The following WNK1 variants were observed in gnomAD, a reference collection of about 807,000 sequenced individuals.
The protein encoded by WNK1 is WNK lysine deficient protein kinase 1.
WNK1 carries 38 observed loss-of-function variants against 222.8 expected under a neutral mutation model. The ratio of observed to expected loss-of-function variants is 0.17; its 90% CI spans 0.13 to 0.22. WNK1 has a LOEUF of 0.22. Among genes scored for constraint, WNK1 ranks in the 10% least tolerant of loss-of-function variants. The pLI is 1.00. For missense variants in WNK1, 2,348 were observed against 2,918.4 expected, an observed-to-expected ratio of 0.80 and a Z score of 4.50; for synonymous variants, 1,090 against 1,092.9, an observed-to-expected ratio of 1.00 and a Z score of 0.05.
At chr12:850,052 G>A (rs1357790351) in intron 4 of WNK1, among the ~76,000 whole-genome samples, 16 of 152,138 alleles carry the variant, frequency 1.1e-4, no homozygotes, top group African/African-American at 3.6e-4. Flanking sequence ...CTTTATAGCA[G>A]CATGATTTAT....
In WNK1 at chr12:879,893, C is replaced by G; in HGVS notation, c.2694C>G (p.Thr898=). ...VSTVVPSQLP[T]LLQPVTQLPS... ...CTGTGGTTCCTAGTCAGCTTCCAACCCTTCTGCAGCCTGTGACTCAGCTGC... is the reference window on the plus strand; with the variant it reads ...CTGTGGTTCCTAGTCAGCTTCCAACGCTTCTGCAGCCTGTGACTCAGCTGC... Residue 898 remains threonine (T), a synonymous_variant, in exon 11 of 28, where the codon ACC becomes ACG. Coordinates refer to ENST00000315939, the MANE Select transcript of WNK1 (RefSeq NM_018979.4). The G allele has an allele frequency of 1.2e-6, 2 of 1,614,110 alleles. No homozygotes were observed. Among genetic ancestry groups the G allele is most frequent in the Non-Finnish European group, 1.7e-6 (2 of 1,179,996 alleles).
At chr12:762,754 AT>A (rs1245813216) in intron 1 of WNK1, among the ~76,000 whole-genome samples, 4 of 142,124 alleles carry the variant, frequency 2.8e-5, no homozygotes, top group African/African-American at 2.5e-5. Context: ...CCTGCTTTTC[AT>A]TTTTTTTTTG....
intron 1 of WNK1, among the ~76,000 whole-genome samples, chr12:777,158 G>GTTT (rs560869282): frequency 6.1e-5 from 8 of 131,156 alleles, no homozygotes; most frequent in African/African-American, 8.3e-5. Flanking sequence ...GATTTTTTTT[G>GTTT]TTTTTTTTTT....
rs1218762163 is a variant in WNK1 at position 753,175 on chromosome 12, G to GTCCGCCGCA, written c.-384_-376dup. The GTCCGCCGCA allele has an allele frequency of 1.4e-4, 23 of 166,814 alleles. No individual in the cohort carries two copies. The highest frequency in any genetic ancestry group is 1.2e-3 in the South Asian group (7 of 5,716). The allele number at this position is 166,814 out of a possible 1,614,324, so 10.3% of individuals were successfully genotyped here. A position where few individuals can be genotyped will look rare whatever the true frequency, so the allele number is the denominator to read the frequency against. ...GGCGAGCGGCGGCAGTGGGAGCCGC[G>GTCCGCCGCA]TCCGCCGCATCCGCCTCGACTCGGT... On this transcript the variant is annotated 5_prime_UTR_variant, in exon 1 of 28. Coordinates refer to ENST00000315939, the MANE Select transcript of WNK1 (RefSeq NM_018979.4). The surrounding 1 kb of genome is among the most constrained non-coding windows in gnomAD (Gnocchi z 5.2).
chr12:904,721 C>A (rs1011739753), intron 26 of WNK1, among the ~76,000 whole-genome samples: 1 of 152,142 alleles, frequency 6.6e-6, no homozygotes, highest in Non-Finnish European at 1.5e-5. Flanking sequence ...TTGGTAATGG[C>A]CATGGGTATA....
intron 4 of WNK1, among the ~76,000 whole-genome samples, chr12:855,504 T>C (rs7311423): frequency 0.63 from 96,332 of 152,082 alleles, 31,347 homozygotes; most frequent in East Asian, 0.87. Context: ...CATTTAGATC[T>C]ATGAGAGATT....
intron 15 of WNK1, 34 bp from the exon 16 acceptor site, chr12:883,361 C>T: frequency 6.2e-7 from 1 of 1,610,664 alleles, no homozygotes. Flanking sequence ...TGAGAAATGA[C>T]ACTAATTAGA....
At chr12:780,225 G>C (rs578177582) in intron 1 of WNK1, among the ~76,000 whole-genome samples, 1 of 152,282 alleles carries the variant, frequency 6.6e-6, no homozygotes, top group South Asian at 2.1e-4. Context: ...TGTCAGTGAA[G>C]ATTTATTTAT....
chr12:754,161 A>C lies in WNK1; in HGVS notation c.596A>C (p.Gln199Pro). 1 of 1,613,250 alleles carries C rather than the reference A, an allele frequency of 6.2e-7. No homozygotes were observed. Among genetic ancestry groups the C allele is most frequent in the Non-Finnish European group, 8.5e-7 (1 of 1,180,044 alleles). The change falls in exon 1 of 28, where the codon CAG becomes CCG. Residue 199 changes from glutamine to proline, a missense_variant. Physicochemically the swap from Gln to Pro is moderately conservative, Grantham distance 76. Transcript: ENST00000315939. ...SAKEPQEERS[Q>P]QQDDIEELET... is the part of the protein sequence containing the mutation. The stretch of plus-strand genomic sequence containing the variant: ...AAGGAGCCACAGGAGGAACGGAGCC[A>C]GCAGCAGGATGATATCGAAGAGCTG...
At chr12:866,825 A>G (rs1431351903) in intron 8 of WNK1, among the ~76,000 whole-genome samples, 1 of 152,216 alleles carries the variant, frequency 6.6e-6, no homozygotes, top group Non-Finnish European at 1.5e-5. Flanking sequence ...TGTCAGAATC[A>G]GAAAATTCAT....
rs901253429 is a variant in WNK1, at chr12:757,888, T to C, written c.759+3564T>C. Among the ~76,000 whole-genome samples, 134 of 145,284 alleles carry C rather than the reference T, an allele frequency of 9.2e-4. 1 individual carries two copies. Among genetic ancestry groups the C allele is most frequent in the African/African-American group, 3.1e-3 (128 of 40,784 alleles). On this transcript the variant is annotated intron_variant, in intron 1 of 27. Transcript: ENST00000315939. The stretch of plus-strand genomic sequence containing the variant: ...CCATCTCTACTAAAAATACAAAAAT[T>C]AGCTGGGCGTGGTCCGCACGCCTGT...
At chr12:881,138 C>G (rs1242462889) in intron 12 of WNK1, 139 bp downstream of exon 12, 1 of 1,134,236 alleles carries the variant, frequency 8.8e-7, no homozygotes, top group African/African-American at 1.5e-5. Context: ...ATGACTTTTT[C>G]TTACAGCAGA....
chr12:776,519 C>T (rs1216040548), intron 1 of WNK1, among the ~76,000 whole-genome samples: 1 of 151,342 alleles, frequency 6.6e-6, no homozygotes, highest in Non-Finnish European at 1.5e-5. Flanking sequence ...CAACCTCCAC[C>T]TCCCAGGTTC....
intron 10 of WNK1, 99 bp from the exon 11 acceptor site, chr12:879,474 T>A: frequency 1.3e-6 from 1 of 771,720 alleles, no homozygotes; most frequent in Non-Finnish European, 2.0e-6. Context: ...TTTTTCCTTC[T>A]TTTTGGCTAA....
intron 8 of WNK1, chr12:865,298 G>GC: frequency 6.5e-7 from 1 of 1,536,090 alleles, no homozygotes; most frequent in Non-Finnish European, 8.7e-7. Context: ...AGAGTGTCCT[G>GC]CCTATGCACT....
In WNK1 at chr12:907,810, GCTT is replaced by G. The variant is rs777894343; in HGVS notation, c.6644-33_6644-31del. On this transcript the variant is annotated intron_variant, in intron 26 of 27. Transcript: ENST00000315939. Reference sequence around the variant, plus strand: ...CCCTCTTCCTGAAATTGTAACCTAGGCTTCTTTTAATGCTCGTATTCTGTTGCT... The same window carrying G: ...CCCTCTTCCTGAAATTGTAACCTAGGCTTTTAATGCTCGTATTCTGTTGCT... 6 of 1,611,366 alleles carry G rather than the reference GCTT, an allele frequency of 3.7e-6. No individual in the cohort carries two copies. In the East Asian group the frequency reaches 1.3e-4, roughly 36 times the overall value.
At position 885,603 on chromosome 12, in the gene WNK1, T is replaced by G. The variant is rs780229328; in HGVS notation, c.4799T>G (p.Ile1600Ser). 6.2e-7 allele frequency: 1 copy of G among 1,614,112 alleles called. No homozygotes were observed. Among genetic ancestry groups the G allele is most frequent in the East Asian group, 2.2e-5 (1 of 44,872 alleles). ...STPLLPQVPSIPPLVQPVANV... is the reference protein window; with the variant it reads ...STPLLPQVPSSPPLVQPVANV... ...CCTTTATTACCCCAAGTACCTAGTATCCCACCCTTGGTACAGCCTGTTGCC... is the reference window on the plus strand; with the variant it reads ...CCTTTATTACCCCAAGTACCTAGTAGCCCACCCTTGGTACAGCCTGTTGCC... The change falls in exon 19 of 28, where the codon ATC becomes AGC. Residue 1600 changes from isoleucine (I) to serine (S), a missense_variant. Transcript: ENST00000315939.
chr12:879,844 C>T lies in WNK1; in HGVS notation c.2645C>T (p.Thr882Ile), dbSNP rs1952986915. The change falls in exon 11 of 28, where the codon ACA (threonine) becomes ATA (isoleucine). Residue 882 changes from threonine to isoleucine, a missense_variant. This residue lies in a region of WNK1 where 547 missense variants were observed against 558.3 expected (regional missense o/e 0.98). Coordinates refer to ENST00000315939, the MANE Select transcript of WNK1 (RefSeq NM_018979.4). ...PLLTLASSAT[T>I]AAIPGVSTVV... ...CTCACGTTGGCTTCATCTGCTACAA[C>T]AGCTGCGATCCCGGGGGTATCAACT... The T allele has an allele frequency of 1.2e-6, 2 of 1,614,062 alleles. No homozygotes were observed. The highest frequency in any genetic ancestry group is 1.1e-5 in the South Asian group (1 of 91,082).
At chr12:869,715 A>G (rs965917257) in intron 8 of WNK1, among the ~76,000 whole-genome samples, 1 of 152,150 alleles carries the variant, frequency 6.6e-6, no homozygotes, top group African/African-American at 2.4e-5. Flanking sequence ...CAGTCAAGCA[A>G]GTTGCTGTGC....
Sources: gnomAD v4.1 joint callset for allele counts (sites outside exome capture counted in the v4.1 genomes callset) on GRCh38, gnomAD v4.1.1 for gene constraint, gnomAD v4.1.1 regional missense constraint, Gnocchi (gnomAD v3.1) non-coding constraint, MANE v1.5 for transcripts, NCBI Gene and HGNC (gene_info 2026-07-23, HGNC 2026-07-21) for gene names.